PHTF2: variants seen among roughly 807,000 people sequenced by gnomAD.
The protein encoded by PHTF2 is protein PHTF2.
PHTF2 carries 60 observed loss-of-function variants against 101.2 expected under a neutral mutation model. The ratio of observed to expected loss-of-function variants is 0.59; its 90% CI spans 0.48 to 0.73. PHTF2 has a LOEUF of 0.73. PHTF2 is among the 30% of genes least tolerant of loss of function. PHTF2 has a pLI of 0.00. For synonymous variants in PHTF2, 311 were observed against 307.3 expected (o/e 1.01, Z -0.13); for missense variants, 747 against 908.7 (o/e 0.82, Z 2.29).
chr7:77,836,726 C>A (rs1264053464), intron 1 of PHTF2, among the ~76,000 whole-genome samples: 2 of 151,854 alleles, frequency 1.3e-5, no homozygotes, highest in African/African-American at 4.8e-5. Context: ...GAACAGAAAA[C>A]CAAATGCTGC....
At chr7:77,924,835 A>T (rs995782335) in intron 11 of PHTF2, among the ~76,000 whole-genome samples, 1 of 152,084 alleles carries the variant, frequency 6.6e-6, no homozygotes, top group Admixed American at 6.6e-5. Context: ...GGAACTGGGG[A>T]TGAGATGGGG....
intron 2 of PHTF2, among the ~76,000 whole-genome samples, chr7:77,850,133 T>G (rs966241823): frequency 4.6e-5 from 7 of 151,204 alleles, no homozygotes; most frequent in Non-Finnish European, 8.8e-5. Flanking sequence ...GGAGAATTGC[T>G]TGAAGCCAGG....
rs369308717 is a variant in PHTF2, at chr7:77,945,253, G to A, written c.1959+2467G>A. On this transcript the variant is annotated intron_variant, in intron 16 of 19. Coordinates refer to ENST00000416283, the Ensembl canonical transcript of PHTF2. ...CTCGGGAGGATGAGGCAGGAGAATCGCTTGAACCTGGGAGGCAGAAGTTGC... is the reference window on the plus strand; with the variant it reads ...CTCGGGAGGATGAGGCAGGAGAATCACTTGAACCTGGGAGGCAGAAGTTGC... Among the ~76,000 whole-genome samples, 23 of 152,258 alleles carry A rather than the reference G, an allele frequency of 1.5e-4. No homozygotes were observed. The South Asian group carries it at 4.8e-3, about 32-fold the overall frequency.
At position 77,949,851 on chromosome 7, in the gene PHTF2, T is replaced by C. The variant is rs1435094617; in HGVS notation, c.2115+18T>C. On this transcript the variant is annotated intron_variant, in intron 17 of 19. Coordinates refer to ENST00000416283, the Ensembl canonical transcript of PHTF2. ...CTGAACAGGTGAGTGTGCCTACTTA[T>C]TATGCTACAAATTAATGTCTATAAG... 3 of 1,290,426 alleles carry C rather than the reference T, an allele frequency of 2.3e-6. No homozygotes were observed. The highest frequency in any genetic ancestry group is 2.4e-5 in the East Asian group (1 of 40,820). The allele number at this position is 1,290,426 out of a possible 1,614,324, so 79.9% of individuals were successfully genotyped here.
intron 5 of PHTF2, among the ~76,000 whole-genome samples, chr7:77,898,722 G>A (rs943917849): frequency 6.6e-6 from 1 of 152,028 alleles, no homozygotes; most frequent in Non-Finnish European, 1.5e-5. Context: ...ATATATTTTT[G>A]ATTCATTAAC....
chr7:77,896,567 C>T (rs1800892999), intron 5 of PHTF2, among the ~76,000 whole-genome samples: 1 of 152,060 alleles, frequency 6.6e-6, no homozygotes, highest in African/African-American at 2.4e-5. Context: ...AAAATACATA[C>T]ATACATAAAT....
At chr7:77,889,469 C>T (rs1800165531) in intron 3 of PHTF2, among the ~76,000 whole-genome samples, 1 of 152,060 alleles carries the variant, frequency 6.6e-6, no homozygotes, top group African/African-American at 2.4e-5. Context: ...ACATCTCCTT[C>T]TGAGACACCT....
intron 3 of PHTF2, among the ~76,000 whole-genome samples, chr7:77,876,763 A>T (rs1358468232): frequency 6.6e-6 from 1 of 152,152 alleles, no homozygotes; most frequent in African/African-American, 2.4e-5. Context: ...TAAATTATCC[A>T]GGCATGGTGG....
chr7:77,863,242 G>GA (rs1313922192), intron 3 of PHTF2, among the ~76,000 whole-genome samples: 1 of 152,204 alleles, frequency 6.6e-6, no homozygotes, highest in African/African-American at 2.4e-5. Flanking sequence ...AGTTTGTGGA[G>GA]AAGGGGGATA....
Position 77,871,383 on chromosome 7 carries a change from G to A in PHTF2, c.147+16549G>A, listed in dbSNP as rs144314193. 5.0e-3 allele frequency among the ~76,000 whole-genome samples: 761 copies of A among 152,280 alleles called. 12 individuals carry two copies. Among genetic ancestry groups the A allele is most frequent in the East Asian group, 0.032 (165 of 5,184 alleles). ...CCCTTCTTAGCCTGTTGACTTAAAG[G>A]TAGGGGGAGCCCAAAGTGTCCAGGT... On this transcript the variant is annotated intron_variant, in intron 3 of 19. Coordinates refer to ENST00000416283, the Ensembl canonical transcript of PHTF2.
chr7:77,931,047 TA>T (rs1396596155), intron 12 of PHTF2, among the ~76,000 whole-genome samples: 2 of 152,046 alleles, frequency 1.3e-5, no homozygotes, highest in African/African-American at 4.8e-5. Flanking sequence ...TACATGACAA[TA>T]AGTGGCATTA....
At chr7:77,832,183 G>A (rs1795125691) in intron 1 of PHTF2, among the ~76,000 whole-genome samples, 1 of 152,132 alleles carries the variant, frequency 6.6e-6, no homozygotes, top group South Asian at 2.1e-4. Context: ...AAATGTGTTC[G>A]AGTCAGTAGA....
intron 12 of PHTF2, among the ~76,000 whole-genome samples, chr7:77,931,446 C>A (rs1205956790): frequency 6.6e-6 from 1 of 152,130 alleles, no homozygotes; most frequent in African/African-American, 2.4e-5. Context: ...GTGAACAGGT[C>A]CCCTGATGGC....
chr7:77,800,178 A>G (rs1308301907), intron 1 of PHTF2, among the ~76,000 whole-genome samples: 1 of 152,244 alleles, frequency 6.6e-6, no homozygotes. Flanking sequence ...ACAAAACAGT[A>G]TAACAATTTG....
At chr7:77,930,771 C>T (rs1386716181) in intron 12 of PHTF2, among the ~76,000 whole-genome samples, 1 of 152,166 alleles carries the variant, frequency 6.6e-6, no homozygotes, top group Non-Finnish European at 1.5e-5. Flanking sequence ...TGTATCCTTA[C>T]ACGGTGGAAA....
intron 3 of PHTF2, among the ~76,000 whole-genome samples, chr7:77,880,505 A>G (rs1467978171): frequency 2.0e-5 from 3 of 152,072 alleles, no homozygotes; most frequent in Admixed American, 2.0e-4. Context: ...GATGTCTTAC[A>G]AGTGGATGCC....
At chr7:77,897,187 A>G (rs1055771945) in intron 5 of PHTF2, among the ~76,000 whole-genome samples, 1 of 151,960 alleles carries the variant, frequency 6.6e-6, no homozygotes, top group Admixed American at 6.5e-5. Context: ...CAAGATTTCT[A>G]GAAAATGAAA....
At chr7:77,898,702 C>T (rs1232817109) in intron 5 of PHTF2, among the ~76,000 whole-genome samples, 1 of 152,082 alleles carries the variant, frequency 6.6e-6, no homozygotes, top group Non-Finnish European at 1.5e-5. Flanking sequence ...TTAAAGACAC[C>T]TTATTTAATA....
At position 77,818,871 on chromosome 7, in the gene PHTF2, T is replaced by C. The variant is rs188971954; in HGVS notation, c.-36+19900T>C. ...ACTTTAATAATATTCTTCTGATCCA[T>C]ATGCATGAGATGTCTTTCATTTGTT... On this transcript the variant is annotated intron_variant, in intron 1 of 19. Coordinates refer to ENST00000416283, the Ensembl canonical transcript of PHTF2. Among the ~76,000 whole-genome samples, 299 of 151,856 alleles carry C rather than the reference T, an allele frequency of 2.0e-3. 2 individuals carry two copies. Among genetic ancestry groups the C allele is most frequent in the Non-Finnish European group, 2.2e-3 (149 of 68,018 alleles).
Sources: allele counts gnomAD v4.1 joint callset (sites outside exome capture counted in the v4.1 genomes callset), GRCh38; gene constraint gnomAD v4.1.1; transcripts MANE v1.5; gene names NCBI Gene and HGNC (gene_info 2026-07-23, HGNC 2026-07-21).